Variants in HDAC2 observed in about 807,000 individuals in gnomAD.
The protein encoded by HDAC2 is histone deacetylase 2, also known as YY1-associated factor 1.
HDAC2 carries 5 observed loss-of-function variants against 68.5 expected under a neutral mutation model. That is an observed-to-expected ratio of 0.07 (90% CI 0.04 to 0.15). The LOEUF is 0.15. Ranked by LOEUF, HDAC2 falls within the 10% of genes least tolerant of loss-of-function variation. The pLI, the probability that HDAC2 is intolerant of heterozygous loss-of-function variation, is 1.00. For missense variants in HDAC2, 291 were observed against 600.8 expected (o/e 0.48, Z 5.39); for synonymous variants, 182 against 191.3 (o/e 0.95, Z 0.40).
At chr6:113,951,247 G>A (rs1776406455) in intron 6 of HDAC2, among the ~76,000 whole-genome samples, 1 of 152,134 alleles carries the variant, frequency 6.6e-6, no homozygotes. Flanking sequence ...TTTCAACAAT[G>A]AGCTAAACTC....
intron 5 of HDAC2, among the ~76,000 whole-genome samples, chr6:113,955,244 C>T (rs1305028185): frequency 6.6e-6 from 1 of 151,354 alleles, no homozygotes; most frequent in Non-Finnish European, 1.5e-5. Context: ...GATGGAGTCT[C>T]ACTCTGTAGC....
At chr6:113,961,935 G>T (rs1441346011) in intron 1 of HDAC2, among the ~76,000 whole-genome samples, 1 of 152,032 alleles carries the variant, frequency 6.6e-6, no homozygotes, top group Non-Finnish European at 1.5e-5. Context: ...ATCTGCCTCT[G>T]TGTAACAATT....
intron 9 of HDAC2, 133 bp from the exon 10 acceptor site, chr6:113,945,603 T>A (rs1037221077): frequency 6.0e-6 from 4 of 666,700 alleles, no homozygotes; most frequent in Non-Finnish European, 8.0e-6. Flanking sequence ...GTGAATGTTC[T>A]CCTATTTATA....
rs1776072012 is a variant in HDAC2 at position 113,939,229 on chromosome 6, T to TG, written c.*1828dup. The TG allele has an allele frequency of 6.6e-6, 1 of 152,012 alleles. No individual in the cohort carries two copies. Among genetic ancestry groups the TG allele is most frequent in the Admixed American group, 6.6e-5 (1 of 15,262 alleles). 9.4% of individuals were successfully genotyped at this position (152,012 alleles called of 1,614,324 possible). ...GGCACTGGGAAATCCACAGGGAGGA[T>TG]GCCAGAACATCTGGAGCCTGCGAAA... is the stretch of plus-strand genomic sequence containing the variant. On this transcript the variant is annotated 3_prime_UTR_variant, in exon 14 of 14. Coordinates refer to ENST00000519065, the MANE Select transcript of HDAC2 (RefSeq NM_001527.4).
rs975745531 is a variant in HDAC2, at chr6:113,940,800, G to GT, written c.*257dup. 1.7e-5 allele frequency: 6 copies of GT among 347,506 alleles called. No individual in the cohort carries two copies. Among genetic ancestry groups the GT allele is most frequent in the East Asian group, 9.1e-5 (2 of 22,008 alleles). 21.5% of individuals were successfully genotyped at this position (347,506 alleles called of 1,614,324 possible). A position where few individuals can be genotyped will look rare whatever the true frequency, so the allele number is the denominator to read the frequency against. ...GGCCAATTACTTCTTTAATAGATCAGTTTTTTTGACATAATAACTCACATC... is the reference window on the plus strand; with the variant it reads ...GGCCAATTACTTCTTTAATAGATCAGTTTTTTTTGACATAATAACTCACATC... On this transcript the variant is annotated 3_prime_UTR_variant, in exon 14 of 14. Coordinates refer to ENST00000519065, the MANE Select transcript of HDAC2 (RefSeq NM_001527.4).
At chr6:113,966,423 G>C (rs907252304) in intron 1 of HDAC2, among the ~76,000 whole-genome samples, 8 of 152,016 alleles carry the variant, frequency 5.3e-5, no homozygotes, top group Middle Eastern at 3.4e-3. Context: ...GTGGTGGCAC[G>C]TGCCTGTAAT....
chr6:113,942,560 G>A (rs962829097), intron 12 of HDAC2, among the ~76,000 whole-genome samples: 14 of 152,014 alleles, frequency 9.2e-5, no homozygotes, highest in Admixed American at 3.9e-4. Context: ...TAACTAAAAC[G>A]TGTGCTCATC....
intron 1 of HDAC2, among the ~76,000 whole-genome samples, chr6:113,960,689 A>C (rs1776662685): frequency 6.6e-6 from 1 of 152,106 alleles, no homozygotes; most frequent in South Asian, 2.1e-4. Flanking sequence ...TTTAAAAAAG[A>C]GAAAATAACA....
intron 10 of HDAC2, 121 bp from the exon 11 acceptor site, chr6:113,944,531 G>T: frequency 1.3e-6 from 1 of 769,946 alleles, no homozygotes; most frequent in East Asian, 2.7e-5. Flanking sequence ...ATATTAAAAG[G>T]TCTCTCTTTG....
chr6:113,942,355 C>A (rs191543498), intron 12 of HDAC2, among the ~76,000 whole-genome samples: 186 of 150,872 alleles, frequency 1.2e-3, no homozygotes, highest in African/African-American at 4.5e-3. Context: ...CTGTATGTAG[C>A]CTATTGAGGA....
rs1040518695 is a variant in HDAC2, at chr6:113,939,665, G to C, written c.*1393C>G. The C allele has an allele frequency of 2.6e-5, 4 of 152,080 alleles. No homozygotes were observed. The highest frequency in any genetic ancestry group is 4.4e-5 in the Non-Finnish European group (3 of 68,006). The allele number at this position is 152,080 out of a possible 1,614,324, so 9.4% of individuals were successfully genotyped here. A position where few individuals can be genotyped will look rare whatever the true frequency, so the allele number is the denominator to read the frequency against. On this transcript the variant is annotated 3_prime_UTR_variant, in exon 14 of 14. Coordinates refer to ENST00000519065, the MANE Select transcript of HDAC2 (RefSeq NM_001527.4). ...AAACATGGATAAAATAATCACAATG[G>C]TGATTACTTCTTAAGGCTGGGAGGG...
intron 13 of HDAC2, 32 bp from the exon 14 acceptor site, chr6:113,941,120 A>T (rs1444220865): frequency 6.3e-7 from 1 of 1,589,136 alleles, no homozygotes; most frequent in Admixed American, 1.7e-5. Flanking sequence ...AATATTAAAA[A>T]TGGCACAATC....
chr6:113,941,668 T>C (rs1448135552), intron 13 of HDAC2, 40 bp downstream of exon 13: 2 of 781,308 alleles, frequency 2.6e-6, no homozygotes, highest in East Asian at 2.8e-5. Flanking sequence ...TTAGTATTTT[T>C]ATAGTATGTA....
At chr6:113,970,620 G>T in intron 1 of HDAC2, 1 of 1,333,670 alleles carries the variant, frequency 7.5e-7, no homozygotes, top group Non-Finnish European at 9.5e-7. Context: ...GCCGAAGGGG[G>T]AGAGGCAGGA....
chr6:113,961,987 C>T (rs906648405), intron 1 of HDAC2, among the ~76,000 whole-genome samples: 1 of 151,764 alleles, frequency 6.6e-6, no homozygotes, highest in Non-Finnish European at 1.5e-5. Flanking sequence ...ATCATAACAT[C>T]AAATACTCTA....
intron 4 of HDAC2, 181 bp downstream of exon 4, chr6:113,956,438 G>C: frequency 1.7e-6 from 1 of 587,854 alleles, no homozygotes; most frequent in Non-Finnish European, 3.0e-6. Flanking sequence ...TTTAAAAAGC[G>C]TTTAAGTCAT....
chr6:113,958,865 A>T, intron 2 of HDAC2, 99 bp from the exon 3 acceptor site: 1 of 765,092 alleles, frequency 1.3e-6, no homozygotes, highest in East Asian at 2.5e-5. Context: ...CCCTCAAAAG[A>T]ACCAAGTCTA....
At chr6:113,959,880 G>T in intron 2 of HDAC2, 26 bp downstream of exon 2, 1 of 950,866 alleles carries the variant, frequency 1.1e-6, no homozygotes, top group South Asian at 1.4e-5. Flanking sequence ...GATCAGTGCT[G>T]AATATGTATT....
intron 6 of HDAC2, 191 bp from the exon 7 acceptor site, chr6:113,949,451 T>A: frequency 1.7e-6 from 1 of 586,026 alleles, no homozygotes; most frequent in Non-Finnish European, 3.1e-6. Flanking sequence ...TATGCTCCAA[T>A]ATTTATAGAC....
Sources: gnomAD v4.1 joint callset for allele counts (sites outside exome capture counted in the v4.1 genomes callset) on GRCh38, gnomAD v4.1.1 for gene constraint, MANE v1.5 for transcripts, NCBI Gene and HGNC (gene_info 2026-07-23, HGNC 2026-07-21) for gene names.